The following ST7L variants were observed in gnomAD, a reference collection of about 807,000 sequenced individuals.
ST7L encodes the protein suppression of tumorigenicity 7 like, also known as suppressor of tumorigenicity 7 protein-like.
Under a neutral mutation model 72.5 loss-of-function variants are expected in ST7L, and 57 were observed. The ratio of observed to expected loss-of-function variants is 0.79; its 90% confidence interval spans 0.64 to 0.98. ST7L has a LOEUF of 0.98. Ranked by LOEUF, ST7L falls within the 50% of genes least tolerant of loss-of-function variation. ST7L has a pLI of 0.00. For missense variants in ST7L, 576 were observed against 672.2 expected (o/e 0.86, Z 1.58); for synonymous variants, 221 against 240.9 (o/e 0.92, Z 0.77).
chr1:112,601,606 G>A (rs1667405575), intron 3 of ST7L, among the ~76,000 whole-genome samples: 2 of 152,128 alleles, frequency 1.3e-5, no homozygotes, highest in African/African-American at 2.4e-5. Context: ...GGAAAATCAG[G>A]GAAGGCTTTA....
At chr1:112,575,109 C>T (rs1056152191) in intron 11 of ST7L, among the ~76,000 whole-genome samples, 12 of 151,754 alleles carry the variant, frequency 7.9e-5, no homozygotes, top group East Asian at 3.9e-4. Flanking sequence ...CGTGGTGGCG[C>T]GCACCTGTAG....
At chr1:112,559,717 A>T (rs187440492) in intron 11 of ST7L, among the ~76,000 whole-genome samples, 1,710 of 152,242 alleles carry the variant, frequency 0.011, 14 homozygotes, top group Non-Finnish European at 0.018. Flanking sequence ...GCAGTGGCTT[A>T]CACCTGTAAT....
chr1:112,604,387 C>T (rs888574718), intron 3 of ST7L, among the ~76,000 whole-genome samples: 2 of 152,018 alleles, frequency 1.3e-5, no homozygotes, highest in Non-Finnish European at 2.9e-5. Flanking sequence ...AATCTAAAGG[C>T]CAAAGTTTCA....
chr1:112,578,343 A>T lies in ST7L; in HGVS notation c.1142+2T>A, dbSNP rs894376964. ...AATCATTGTAGTTTTTATAACACGT[A>T]CTTTTCTGAAACAGTCCTTGTCTTC... On this transcript the variant is annotated splice_donor_variant, in intron 10 of 14. Coordinates refer to ENST00000358039, the MANE Select transcript of ST7L (RefSeq NM_017744.5). LOFTEE classifies it high-confidence loss of function. The T allele has an allele frequency of 1.6e-5, 26 of 1,613,694 alleles. No individual in the cohort carries two copies. Among genetic ancestry groups the T allele is most frequent in the Non-Finnish European group, 2.1e-5 (25 of 1,179,598 alleles).
chr1:112,576,900 T>C (rs965860645), intron 11 of ST7L, 86 bp downstream of exon 11: 2 of 982,248 alleles, frequency 2.0e-6, no homozygotes, highest in Non-Finnish European at 3.1e-6. Context: ...TGCACCAAAT[T>C]ATGGTGACCC....
intron 11 of ST7L, among the ~76,000 whole-genome samples, chr1:112,566,320 CAG>C (rs1313326190): frequency 2.1e-5 from 2 of 94,122 alleles, no homozygotes; most frequent in Non-Finnish European, 4.0e-5. Flanking sequence ...TTTTTTGAGA[CAG>C]AGTCTTGCTC....
Position 112,542,054 on chromosome 1 carries a change from A to C in ST7L, c.1526T>G (p.Leu509Arg). The C allele has an allele frequency of 6.2e-7, 1 of 1,612,616 alleles. No individual in the cohort carries two copies. The highest frequency in any genetic ancestry group is 8.5e-7 in the Non-Finnish European group (1 of 1,179,538). ...TGCTGTGAAATGGATGAACAAAGGA[A>C]GCTCCTTTTTTGGGTAAACAGAAAC... Reference protein sequence around the residue: ...HHVSVYPKKELPLFIHFTAGF... With the variant: ...HHVSVYPKKERPLFIHFTAGF... Residue 509 changes from leucine to arginine, a missense_variant, in exon 14 of 15, where the codon CTT becomes CGT. Leu to Arg is a moderately radical substitution (Grantham distance 102). This residue lies in a region of ST7L where 511 missense variants were observed against 600.7 expected (regional missense o/e 0.85). Coordinates refer to ENST00000358039, the MANE Select transcript of ST7L (RefSeq NM_017744.5).
chr1:112,531,986 G>GT (rs2101211381), intron 14 of ST7L, among the ~76,000 whole-genome samples: 1 of 98,728 alleles, frequency 1.0e-5, no homozygotes, highest in Non-Finnish European at 2.7e-5. Context: ...TGCAGTTTTT[G>GT]TTTTTTGTTT....
chr1:112,518,741 C>T (rs77582232), downstream of ST7L, among the ~76,000 whole-genome samples: 209 of 152,242 alleles, frequency 1.4e-3, 5 homozygotes, highest in East Asian at 0.038. Context: ...TCGTTTTTCT[C>T]AGAGGCATAA....
intron 2 of ST7L, among the ~76,000 whole-genome samples, chr1:112,614,703 T>C (rs1470881222): frequency 6.6e-6 from 1 of 152,042 alleles, no homozygotes; most frequent in African/African-American, 2.4e-5. Flanking sequence ...CCTTAGCACT[T>C]TGGGAGGCCG....
rs1653009176 is a variant in ST7L, at chr1:112,523,726, T to TA, written c.*2286dup. ...TTCTAACTTTTAATAAACATTTAGG[T>TA]ATAATACATTACAGTAAGTGCTATT... On this transcript the variant is annotated 3_prime_UTR_variant, in exon 15 of 15. Coordinates refer to ENST00000358039, the MANE Select transcript of ST7L (RefSeq NM_017744.5). The TA allele has an allele frequency of 6.6e-6, 1 of 152,150 alleles. No individual in the cohort carries two copies. The highest frequency in any genetic ancestry group is 2.4e-5 in the African/African-American group (1 of 41,448). 9.4% of individuals were successfully genotyped at this position (152,150 alleles called of 1,614,324 possible).
At chr1:112,580,534 A>C (rs1025659614) in intron 9 of ST7L, among the ~76,000 whole-genome samples, 1 of 152,208 alleles carries the variant, frequency 6.6e-6, no homozygotes, top group Non-Finnish European at 1.5e-5. Flanking sequence ...GCTTGAGGTT[A>C]AAAGCTGATG....
In ST7L at chr1:112,617,787, C is replaced by T. The variant is rs116133538; in HGVS notation, c.206-892G>A. Among the ~76,000 whole-genome samples, 111 of 151,446 alleles carry T rather than the reference C, an allele frequency of 7.3e-4. 1 individual carries two copies. Among genetic ancestry groups the T allele is most frequent in the African/African-American group, 2.6e-3 (107 of 41,272 alleles). On this transcript the variant is annotated intron_variant, in intron 1 of 14. Coordinates refer to ENST00000358039, the MANE Select transcript of ST7L (RefSeq NM_017744.5). ...GTAAAAAAGAAAAATCTATAGTAAT[C>T]AACTATTCTCATCTAAATGTTGCAT...
intron 3 of ST7L, among the ~76,000 whole-genome samples, chr1:112,601,565 G>GA (rs1200572748): frequency 5.3e-5 from 8 of 150,474 alleles, no homozygotes; most frequent in African/African-American, 9.7e-5. Context: ...TGTTCTAAGA[G>GA]AAAAAAAAAG....
intron 11 of ST7L, among the ~76,000 whole-genome samples, chr1:112,559,268 G>C (rs151292968): frequency 6.6e-6 from 1 of 151,698 alleles, no homozygotes; most frequent in African/African-American, 2.4e-5. Flanking sequence ...TTTTTTAGAC[G>C]GTGTCTTGCT....
At chr1:112,606,336 T>G (rs979995336) in intron 3 of ST7L, among the ~76,000 whole-genome samples, 4 of 152,222 alleles carry the variant, frequency 2.6e-5, no homozygotes. Flanking sequence ...GGTGCCACTT[T>G]GCTTAGAAAT....
rs567601091 is a variant in ST7L at position 112,551,138 on chromosome 1, CTTTTTTT to C, written c.1397-452_1397-446del. On this transcript the variant is annotated intron_variant, in intron 12 of 14. Coordinates refer to ENST00000358039, the MANE Select transcript of ST7L (RefSeq NM_017744.5). ...TCACCAAAGCTTTCTATGAGCAGATCTTTTTTTTTTTTTTTTTTTTTTTTTTTTGAGA... is the reference window on the plus strand; with the variant it reads ...TCACCAAAGCTTTCTATGAGCAGATCTTTTTTTTTTTTTTTTTTTTTGAGA... Among the ~76,000 whole-genome samples, 21 of 77,204 alleles carry C rather than the reference CTTTTTTT, an allele frequency of 2.7e-4. 1 individual carries two copies. The highest frequency in any genetic ancestry group is 1.0e-3 in the African/African-American group (16 of 15,762). The allele number at this position is 77,204 out of a possible 152,430, so 50.6% of individuals were successfully genotyped here.
rs56216561 is a variant in ST7L at position 112,617,717 on chromosome 1, T to TCACACA, written c.206-828_206-823dup. On this transcript the variant is annotated intron_variant, in intron 1 of 14. Coordinates refer to ENST00000358039, the MANE Select transcript of ST7L (RefSeq NM_017744.5). The stretch of plus-strand genomic sequence containing the variant: ...GAGACTCTGTCTGTCTTTCTCTCTC[T>TCACACA]CACACACACACACACACACACACAC... Among the ~76,000 whole-genome samples the TCACACA allele has an allele frequency of 2.3e-3, 291 of 126,476 alleles. 2 individuals carry two copies. Among genetic ancestry groups the TCACACA allele is most frequent in the South Asian group, 3.8e-3 (16 of 4,234 alleles). The allele number at this position is 126,476 out of a possible 152,430, so 83.0% of individuals were successfully genotyped here. A position where few individuals can be genotyped will look rare whatever the true frequency, so the allele number is the denominator to read the frequency against.
chr1:112,609,444 T>C (rs1668734102), intron 3 of ST7L, among the ~76,000 whole-genome samples: 1 of 150,706 alleles, frequency 6.6e-6, no homozygotes, highest in South Asian at 2.1e-4. Context: ...GGAAGGAGAA[T>C]CACTTGAACC....
Sources: allele counts gnomAD v4.1 joint callset (sites outside exome capture counted in the v4.1 genomes callset), GRCh38; gene constraint gnomAD v4.1.1; regional missense constraint gnomAD v4.1.1; transcripts MANE v1.5; gene names NCBI Gene and HGNC (gene_info 2026-07-23, HGNC 2026-07-21).